The following CDH13 variants were observed in gnomAD, a reference collection of about 807,000 sequenced individuals.
The protein encoded by CDH13 is cadherin-13.
A neutral mutation model predicts 63.8 loss-of-function variants in CDH13; 24 were observed. The observed-to-expected ratio is 0.38, with a 90% CI of 0.27 to 0.53. The LOEUF (loss-of-function observed/expected upper bound fraction) is 0.53, where lower values mean the gene tolerates loss of function less well. Among genes scored for constraint, CDH13 ranks in the 20% least tolerant of loss-of-function variants. The pLI is 0.85. For synonymous variants in CDH13, 503 were observed against 355.3 expected (o/e 1.42, Z -4.67); for missense variants, 1,049 against 903.1 (o/e 1.16, Z -2.07).
At chr16:83,217,908 A>T (rs575274983) in intron 5 of CDH13, among the ~76,000 whole-genome samples, 1 of 152,318 alleles carries the variant, frequency 6.6e-6, no homozygotes, top group East Asian at 1.9e-4. Context: ...ATTCAGCCAT[A>T]AAGGAGTAGT....
chr16:83,523,277 G>A (rs1325217834), intron 7 of CDH13, among the ~76,000 whole-genome samples: 1 of 152,218 alleles, frequency 6.6e-6, no homozygotes, highest in Non-Finnish European at 1.5e-5. Context: ...TAGGTGCTCA[G>A]CTAGCATTTT....
intron 5 of CDH13, among the ~76,000 whole-genome samples, chr16:83,327,931 G>C (rs2090400657): frequency 6.6e-6 from 1 of 152,146 alleles, no homozygotes. Flanking sequence ...AGGAGATCGA[G>C]ACCATCCTGG....
At chr16:83,282,146 C>A (rs1258761841) in intron 5 of CDH13, among the ~76,000 whole-genome samples, 1 of 152,088 alleles carries the variant, frequency 6.6e-6, no homozygotes, top group Non-Finnish European at 1.5e-5. Context: ...CCACATTTAT[C>A]AATTACATTT....
chr16:83,630,949 G>T (rs1910725496), intron 8 of CDH13, among the ~76,000 whole-genome samples: 1 of 152,100 alleles, frequency 6.6e-6, no homozygotes, highest in South Asian at 2.1e-4. Flanking sequence ...CTTTCACAAT[G>T]CCAAGGTCAA....
At chr16:83,716,591 C>T (rs943306036) in intron 10 of CDH13, among the ~76,000 whole-genome samples, 6 of 152,158 alleles carry the variant, frequency 3.9e-5, no homozygotes, top group African/African-American at 1.4e-4. Flanking sequence ...TCAAGCAATC[C>T]TCCTGCCTCA....
At position 83,797,463 on chromosome 16, in the gene CDH13, C is replaced by G. The variant is rs1182642088; in HGVS notation, c.*2433C>G. The G allele has an allele frequency of 6.6e-6, 1 of 152,238 alleles. No homozygotes were observed. The highest frequency in any genetic ancestry group is 1.5e-5 in the Non-Finnish European group (1 of 68,040). The allele number at this position is 152,238 out of a possible 1,614,324, so 9.4% of individuals were successfully genotyped here. ...ACTTTCCCTTATTTAAACATATTCTCTGTCCCCACAGTTCTAATCAGGACA... is the reference window on the plus strand; with the variant it reads ...ACTTTCCCTTATTTAAACATATTCTGTGTCCCCACAGTTCTAATCAGGACA... On this transcript the variant is annotated 3_prime_UTR_variant, in exon 14 of 14. Transcript: ENST00000567109.
At chr16:82,881,808 G>A (rs1164496182) in intron 2 of CDH13, among the ~76,000 whole-genome samples, 4 of 152,182 alleles carry the variant, frequency 2.6e-5, no homozygotes, top group South Asian at 2.1e-4. Context: ...GTCCCCCTGC[G>A]ATACGATAGC....
chr16:83,571,784 G>T (rs1300852348), intron 7 of CDH13, among the ~76,000 whole-genome samples: 1 of 152,122 alleles, frequency 6.6e-6, no homozygotes, highest in African/African-American at 2.4e-5. Flanking sequence ...CTCATATCCT[G>T]TGGTTTGTCT....
intron 2 of CDH13, among the ~76,000 whole-genome samples, chr16:82,906,634 T>A (rs1934258094): frequency 6.6e-6 from 1 of 152,192 alleles, no homozygotes. Flanking sequence ...GAGTAACAGA[T>A]TACCACTAAC....
At chr16:83,762,922 T>A (rs1278323057) in intron 11 of CDH13, among the ~76,000 whole-genome samples, 1 of 152,140 alleles carries the variant, frequency 6.6e-6, no homozygotes, top group African/African-American at 2.4e-5. Flanking sequence ...CTCTGCCAAG[T>A]TTAAAGAAAG....
At chr16:83,355,635 G>C (rs1597818835) in intron 6 of CDH13, among the ~76,000 whole-genome samples, 1 of 152,194 alleles carries the variant, frequency 6.6e-6, no homozygotes, top group African/African-American at 2.4e-5. Flanking sequence ...TACCTTTAGA[G>C]TACCTGCCGT....
At chr16:82,826,408 C>T (rs1383480234) in intron 1 of CDH13, 1 of 152,124 alleles carries the variant, frequency 6.6e-6, no homozygotes, top group East Asian at 1.9e-4. Context: ...TTATTTCCTA[C>T]ATACAATATC....
intron 8 of CDH13, among the ~76,000 whole-genome samples, chr16:83,603,970 G>A (rs979352704): frequency 6.6e-6 from 1 of 152,054 alleles, no homozygotes; most frequent in African/African-American, 2.4e-5. Context: ...TAAGCAACCA[G>A]ATCTCATGAG....
chr16:82,845,142 C>G (rs1169185092), intron 1 of CDH13, among the ~76,000 whole-genome samples: 1 of 152,036 alleles, frequency 6.6e-6, no homozygotes, highest in Admixed American at 6.5e-5. Flanking sequence ...GGAGAGAGAA[C>G]CAATATATTA....
chr16:83,535,975 GA>G, intron 7 of CDH13, among the ~76,000 whole-genome samples: 1 of 138,444 alleles, frequency 7.2e-6, no homozygotes, highest in East Asian at 2.2e-4. Context: ...GAAAAGAAAA[GA>G]AAGAAACCCA....
intron 5 of CDH13, among the ~76,000 whole-genome samples, chr16:83,301,460 C>T (rs1205888047): frequency 1.3e-5 from 2 of 152,132 alleles, no homozygotes; most frequent in Non-Finnish European, 2.9e-5. Context: ...TGGAGCTCAT[C>T]ATTTCGGAGT....
At chr16:83,260,479 C>G (rs922036682) in intron 5 of CDH13, among the ~76,000 whole-genome samples, 5 of 152,216 alleles carry the variant, frequency 3.3e-5, no homozygotes, top group African/African-American at 1.2e-4. Context: ...CAAGGGGAGT[C>G]TGTGGGAACC....
intron 3 of CDH13, among the ~76,000 whole-genome samples, chr16:83,048,766 A>G (rs2029930129): frequency 6.6e-6 from 1 of 151,044 alleles, no homozygotes; most frequent in Admixed American, 6.6e-5. Flanking sequence ...TTCCCCTCAC[A>G]CTCTTACATC....
intron 5 of CDH13, among the ~76,000 whole-genome samples, chr16:83,268,360 G>A (rs988439614): frequency 6.6e-6 from 1 of 152,192 alleles, no homozygotes; most frequent in Non-Finnish European, 1.5e-5. Context: ...CACATCCTTA[G>A]TTCTTTTCGC....
Sources: gnomAD v4.1 joint callset for allele counts (sites outside exome capture counted in the v4.1 genomes callset) on GRCh38, gnomAD v4.1.1 for gene constraint, MANE v1.5 for transcripts, NCBI Gene and HGNC (gene_info 2026-07-23, HGNC 2026-07-21) for gene names.